The following EREG variants were observed in gnomAD, a reference collection of about 807,000 sequenced individuals.
EREG encodes epiregulin, also known as proepiregulin.
A neutral mutation model predicts 22.4 loss-of-function variants in EREG; 23 were observed. The observed-to-expected ratio is 1.03, with a 90% CI of 0.74 to 1.46. EREG has a LOEUF of 1.46. Ranked by LOEUF, EREG falls within the 40% of genes most tolerant of loss-of-function variation. EREG has a pLI of 0.00. For missense variants in EREG, 226 were observed against 205.9 expected, an observed-to-expected ratio of 1.10 and a Z score of -0.60; for synonymous variants, 100 against 75.4, an observed-to-expected ratio of 1.33 and a Z score of -1.69.
intron 1 of EREG, among the ~76,000 whole-genome samples, chr4:74,375,482 C>A (rs1014082301): frequency 3.8e-5 from 3 of 77,980 alleles, no homozygotes; most frequent in African/African-American, 1.6e-4. Context: ...CCATGCCTGG[C>A]TAATTTTTTT....
chr4:74,379,065 C>CT (rs1560598922), intron 1 of EREG, among the ~76,000 whole-genome samples: 1 of 152,048 alleles, frequency 6.6e-6, no homozygotes, highest in African/African-American at 2.4e-5. Flanking sequence ...TATTTAGAGC[C>CT]TTTTTTTGTG....
chr4:74,370,527 A>C (rs1752271398), intron 1 of EREG, among the ~76,000 whole-genome samples: 2 of 152,144 alleles, frequency 1.3e-5, no homozygotes, highest in Admixed American at 6.5e-5. Flanking sequence ...TTTCTGATGA[A>C]GTCTAATAAG....
intron 1 of EREG, among the ~76,000 whole-genome samples, chr4:74,365,746 C>T (rs1278762579): frequency 6.7e-6 from 1 of 149,276 alleles, no homozygotes; most frequent in Non-Finnish European, 1.5e-5. Context: ...TGTCTTGTTC[C>T]TTTTTGTTGG....
intron 3 of EREG, 85 bp downstream of exon 3, chr4:74,381,222 A>G: frequency 8.3e-7 from 1 of 1,207,842 alleles, no homozygotes. Context: ...GCTAGTGGAT[A>G]TATTCAGTAG....
At chr4:74,377,937 G>A (rs775885421) in intron 1 of EREG, among the ~76,000 whole-genome samples, 17 of 152,142 alleles carry the variant, frequency 1.1e-4, no homozygotes, top group Non-Finnish European at 2.1e-4. Context: ...ATGAGATGTG[G>A]GTGGGGACAC....
intron 1 of EREG, among the ~76,000 whole-genome samples, chr4:74,370,204 T>C (rs926942878): frequency 5.3e-5 from 8 of 152,210 alleles, no homozygotes; most frequent in Non-Finnish European, 1.0e-4. Context: ...CCATTGCACC[T>C]TTCCCATTCC....
chr4:74,380,458 A>G (rs529883339), intron 2 of EREG, among the ~76,000 whole-genome samples: 17 of 152,198 alleles, frequency 1.1e-4, no homozygotes, highest in African/African-American at 4.1e-4. Flanking sequence ...GGGTTTGTCT[A>G]GTTTGGATTC....
chr4:74,375,590 A>G (rs964292392), intron 1 of EREG, among the ~76,000 whole-genome samples: 2 of 151,822 alleles, frequency 1.3e-5, no homozygotes, highest in African/African-American at 4.8e-5. Context: ...CGGCCTCCCA[A>G]AGTGCTGGGA....
chr4:74,382,537 T>C, intron 3 of EREG, 108 bp from the exon 4 acceptor site: 3 of 796,540 alleles, frequency 3.8e-6, no homozygotes, highest in Non-Finnish European at 5.9e-6. Context: ...TAGCAAATTT[T>C]GTTGATTTCT....
chr4:74,370,721 GAT>G (rs1343313952), intron 1 of EREG, among the ~76,000 whole-genome samples: 9 of 152,124 alleles, frequency 5.9e-5, no homozygotes, highest in African/African-American at 1.9e-4. Flanking sequence ...AAGTGGCAGT[GAT>G]ATGACTGCCA....
chr4:74,374,152 A>G (rs1451385216), intron 1 of EREG, among the ~76,000 whole-genome samples: 7 of 152,234 alleles, frequency 4.6e-5, no homozygotes, highest in Non-Finnish European at 7.3e-5. Context: ...TTTCTGGTCT[A>G]AATAGCCTAA....
rs1752576075 is a variant in EREG, at chr4:74,386,780, A to G, written c.*1972A>G. On this transcript the variant is annotated 3_prime_UTR_variant, in exon 5 of 5. Coordinates refer to ENST00000244869, the MANE Select transcript of EREG (RefSeq NM_001432.3). ...CAACAACAACAAAAAATACATTATA[A>G]CAACTATTTACTTTTTTTTTTTTCT... 6.6e-6 allele frequency: 1 copy of G among 150,818 alleles called. No homozygotes were observed. Among genetic ancestry groups the G allele is most frequent in the Non-Finnish European group, 1.5e-5 (1 of 67,988 alleles). The allele number at this position is 150,818 out of a possible 1,614,324, so 9.3% of individuals were successfully genotyped here.
chr4:74,381,342 C>A, intron 3 of EREG: 1 of 480,054 alleles, frequency 2.1e-6, no homozygotes, highest in Non-Finnish European at 3.7e-6. Context: ...CTTTTGAAGT[C>A]TCCAGAGTCT....
Position 74,381,135 on chromosome 4 carries a change from C to T in EREG, c.276C>T (p.Cys92=), listed in dbSNP as rs1234894280. 1.2e-6 allele frequency: 2 copies of T among 1,609,946 alleles called. No homozygotes were observed. The highest frequency in any genetic ancestry group is 1.1e-5 in the South Asian group (1 of 90,016). The change falls in exon 3 of 5, where the codon TGC becomes TGT. Residue 92 remains cysteine, a splice_region_variant and synonymous_variant. Coordinates refer to ENST00000244869, the MANE Select transcript of EREG (RefSeq NM_001432.3). ...TGGTGGACATGAGTCAAAACTACTG[C>T]AGGTAATATGTCAGAAATAAACAAA... ...IYLVDMSQNY[C]RCEVGYTGVR... is the part of the protein sequence containing the mutation.
At chr4:74,372,801 CTTTTTTTTTTTTT>C (rs60657787) in intron 1 of EREG, among the ~76,000 whole-genome samples, 5 of 71,906 alleles carry the variant, frequency 7.0e-5, no homozygotes, top group South Asian at 6.0e-4. Flanking sequence ...TTAAATTGTA[CTTTTTTTTTTTTT>C]TTTTTTTTTT....
intron 1 of EREG, among the ~76,000 whole-genome samples, chr4:74,373,748 C>A (rs1271705514): frequency 1.4e-5 from 2 of 145,776 alleles, no homozygotes; most frequent in African/African-American, 5.2e-5. Context: ...GTATATATAT[C>A]TATACACACA....
chr4:74,382,338 T>G (rs1241353347), intron 3 of EREG: 1 of 215,546 alleles, frequency 4.6e-6, no homozygotes, highest in Admixed American at 5.6e-5. Context: ...AAAAAAGAAT[T>G]GATTCCACTG....
chr4:74,376,852 C>T (rs1431012366), intron 1 of EREG, among the ~76,000 whole-genome samples: 2 of 152,146 alleles, frequency 1.3e-5, no homozygotes, highest in Non-Finnish European at 2.9e-5. Context: ...AGACTAATAA[C>T]TACTTCACAG....
At chr4:74,382,067 G>A (rs1752487012) in intron 3 of EREG, 1 of 151,532 alleles carries the variant, frequency 6.6e-6, no homozygotes, top group Admixed American at 6.6e-5. Context: ...CACTTTGGGA[G>A]GCTGAGGCGG....
Sources: gnomAD v4.1 joint callset for allele counts (sites outside exome capture counted in the v4.1 genomes callset) on GRCh38, gnomAD v4.1.1 for gene constraint, MANE v1.5 for transcripts, NCBI Gene and HGNC (gene_info 2026-07-23, HGNC 2026-07-21) for gene names.